The following EIF2S3 variants were observed in gnomAD, a reference collection of about 807,000 sequenced individuals.
EIF2S3 encodes eukaryotic translation initiation factor 2 subunit gamma, also known as eukaryotic translation initiation factor 2 subunit 3.
A neutral mutation model predicts 31.7 loss-of-function variants in EIF2S3; 2 were observed. That is an observed-to-expected ratio of 0.06 (90% CI 0.03 to 0.20). EIF2S3 has a LOEUF of 0.20. Among genes scored for constraint, EIF2S3 ranks in the 10% least tolerant of loss-of-function variants. The pLI is 1.00. For synonymous variants in EIF2S3, 120 were observed against 126.7 expected (o/e 0.95, Z 0.36); for missense variants, 96 against 359.3 (o/e 0.27, Z 5.92).
chrX:24,067,733 G>A (rs929275851), intron 8 of EIF2S3, among the ~76,000 whole-genome samples: 4 of 108,659 alleles, frequency 3.7e-5, no homozygotes, highest in Admixed American at 3.0e-4. Context: ...GATTACAGGT[G>A]CGTGCCACCA....
chrX:24,072,562 G>T (rs888408908), intron 10 of EIF2S3, among the ~76,000 whole-genome samples: 5 of 111,945 alleles, frequency 4.5e-5, no homozygotes, highest in African/African-American at 1.6e-4. Context: ...GGATTAACAG[G>T]TGTGATCCAC....
At chrX:24,056,558 C>A (rs1412180830) in intron 2 of EIF2S3, among the ~76,000 whole-genome samples, 1 of 111,873 alleles carries the variant, frequency 8.9e-6, no homozygotes, top group Non-Finnish European at 1.9e-5. Context: ...CTGGAAGGTT[C>A]CTTAATATAT....
intron 11 of EIF2S3, among the ~76,000 whole-genome samples, chrX:24,073,751 T>G (rs1458876596): frequency 8.9e-6 from 1 of 112,244 alleles, no homozygotes; most frequent in East Asian, 2.8e-4. Flanking sequence ...TGTGATTGGC[T>G]TCTCTTCCTG....
At position 24,074,862 on chromosome X, in the gene EIF2S3, C is replaced by CTTCTTT. The variant is rs1555984976; in HGVS notation, c.1355+1601_1355+1602insCTTTTT. Among the ~76,000 whole-genome samples, 35 of 47,461 alleles carry CTTCTTT rather than the reference C, an allele frequency of 7.4e-4. 2 individuals carry two copies. The highest frequency in any genetic ancestry group is 3.3e-3 in the African/African-American group (34 of 10,433). The allele number at this position is 47,461 out of a possible 115,157, so 41.2% of individuals were successfully genotyped here. On this transcript the variant is annotated intron_variant, in intron 11 of 11. Coordinates refer to ENST00000253039, the MANE Select transcript of EIF2S3 (RefSeq NM_001415.4). The stretch of plus-strand genomic sequence containing the variant: ...GTACTCATCATTTTTTTTTCTTCTT[C>CTTCTTT]TTTTTTTTTTTTTTTTTTTTTGAGA...
At chrX:24,069,686 CTTTTTTTTTT>C (rs754589833) in intron 9 of EIF2S3, among the ~76,000 whole-genome samples, 7 of 60,986 alleles carry the variant, frequency 1.1e-4, no homozygotes, top group Non-Finnish European at 2.0e-4. Context: ...TTTTTAATTT[CTTTTTTTTTT>C]TTTTTTTTTT....
At chrX:24,066,203 A>T (rs1930570435) in intron 8 of EIF2S3, 111 bp downstream of exon 8, 1 of 517,936 alleles carries the variant, frequency 1.9e-6, no homozygotes, top group Non-Finnish European at 2.9e-6. Flanking sequence ...CCAAATTGAA[A>T]AATAAAATTT....
chrX:24,066,114 G>T, intron 8 of EIF2S3, 22 bp downstream of exon 8: 1 of 994,432 alleles, frequency 1.0e-6, no homozygotes, highest in Non-Finnish European at 1.3e-6. Context: ...TTTGGTTGTT[G>T]TGATTTTGGG....
At chrX:24,067,201 G>A (rs1244423430) in intron 8 of EIF2S3, among the ~76,000 whole-genome samples, 2 of 110,955 alleles carry the variant, frequency 1.8e-5, no homozygotes, top group Admixed American at 9.7e-5. Flanking sequence ...TCGCAACCTC[G>A]CCCAGCTAAT....
In EIF2S3 at chrX:24,078,532, G is replaced by T. The variant is rs1167043643; in HGVS notation, c.*1747G>T. ...CAGTGTTGAGAAACAAATTTAGAGA[G>T]TTGAGAAGTAGGTATATTAAATTAC... On this transcript the variant is annotated 3_prime_UTR_variant, in exon 12 of 12. Transcript: ENST00000253039. 4.5e-5 allele frequency among the ~76,000 whole-genome samples: 5 copies of T among 111,855 alleles called. No homozygotes were observed. Among genetic ancestry groups the T allele is most frequent in the African/African-American group, 1.6e-4 (5 of 30,845 alleles).
At chrX:24,058,465 T>A (rs1330575580) in intron 4 of EIF2S3, among the ~76,000 whole-genome samples, 2 of 111,757 alleles carry the variant, frequency 1.8e-5, no homozygotes, top group Non-Finnish European at 3.8e-5. Flanking sequence ...CATTGTATTT[T>A]GTTTATGATT....
At chrX:24,074,235 A>G (rs375806782) in intron 11 of EIF2S3, among the ~76,000 whole-genome samples, 1 of 112,388 alleles carries the variant, frequency 8.9e-6, no homozygotes, top group Admixed American at 9.5e-5. Context: ...AAGAATACAA[A>G]CTAGTTACTT....
chrX:24,065,186 T>C (rs1930553046), intron 7 of EIF2S3, among the ~76,000 whole-genome samples: 1 of 111,883 alleles, frequency 8.9e-6, no homozygotes, highest in African/African-American at 3.2e-5. Context: ...TTACAGGAGT[T>C]ACAGAGGTCT....
At chrX:24,058,445 C>G (rs1386927457) in intron 4 of EIF2S3, among the ~76,000 whole-genome samples, 1 of 110,979 alleles carries the variant, frequency 9.0e-6, no homozygotes, top group Non-Finnish European at 1.9e-5. Flanking sequence ...TTTGCTTTGG[C>G]TCAGCATGGC....
chrX:24,067,196 A>T (rs1349898845), intron 8 of EIF2S3, among the ~76,000 whole-genome samples: 1 of 110,437 alleles, frequency 9.1e-6, no homozygotes, highest in Non-Finnish European at 1.9e-5. Flanking sequence ...GGCACTCGCA[A>T]CCTCGCCCAG....
intron 9 of EIF2S3, among the ~76,000 whole-genome samples, chrX:24,068,997 T>C (rs1930620306): frequency 9.0e-6 from 1 of 111,616 alleles, no homozygotes; most frequent in African/African-American, 3.3e-5. Flanking sequence ...AAATGTTTGG[T>C]AAAGAAACAG....
chrX:24,062,207 T>C (rs1181114333), intron 5 of EIF2S3, among the ~76,000 whole-genome samples: 1 of 110,927 alleles, frequency 9.0e-6, no homozygotes, highest in Non-Finnish European at 1.9e-5. Context: ...GGTTGTCATT[T>C]CACCACTATC....
At chrX:24,057,893 G>T in intron 4 of EIF2S3, 139 bp downstream of exon 4, 1 of 758,347 alleles carries the variant, frequency 1.3e-6, no homozygotes. Context: ...ATGTTTTTAT[G>T]GGAAATCTGA....
At chrX:24,056,709 A>T (rs752613233) in intron 2 of EIF2S3, among the ~76,000 whole-genome samples, 1 of 111,069 alleles carries the variant, frequency 9.0e-6, no homozygotes, top group African/African-American at 3.3e-5. Flanking sequence ...AATACAAAAA[A>T]TTAGCTGTGC....
rs371225885 is a variant in EIF2S3 at position 24,061,615 on chromosome X, C to G, written c.479-801C>G. 1.4e-4 allele frequency among the ~76,000 whole-genome samples: 16 copies of G among 110,459 alleles called. No homozygotes were observed. In the South Asian group the frequency reaches 5.0e-3, roughly 34 times the overall value. On this transcript the variant is annotated intron_variant, in intron 5 of 11. Transcript: ENST00000253039. ...ATGCCATGTTGGTATAGTCAGGACA[C>G]TTGAATATCACGACTTGAGGAGGTT... is the stretch of plus-strand genomic sequence containing the variant.
Sources: allele counts gnomAD v4.1 joint callset (sites outside exome capture counted in the v4.1 genomes callset), GRCh38; gene constraint gnomAD v4.1.1; transcripts MANE v1.5; gene names NCBI Gene and HGNC (gene_info 2026-07-23, HGNC 2026-07-21).